PHF14: variants seen among roughly 807,000 people sequenced by gnomAD.
PHF14 encodes PHD finger protein 14.
PHF14 carries 55 observed loss-of-function variants against 117.9 expected under a neutral mutation model. That is an observed-to-expected ratio of 0.47 (90% CI 0.38 to 0.58). PHF14 has a LOEUF of 0.58. PHF14 is among the 20% of genes least tolerant of loss of function. The pLI is 0.00. For synonymous variants in PHF14, 409 were observed against 368.6 expected (o/e 1.11, Z -1.26); for missense variants, 978 against 1,122.2 (o/e 0.87, Z 1.84).
At chr7:10,977,063 C>G (rs1640701) in intron 2 of PHF14, among the ~76,000 whole-genome samples, 104,725 of 151,444 alleles carry the variant, frequency 0.69, 36,779 homozygotes, top group African/African-American at 0.81. Flanking sequence ...CTGAGATATT[C>G]GCTTACTCTA....
At chr7:11,097,439 A>C (rs1786919454) in intron 16 of PHF14, among the ~76,000 whole-genome samples, 1 of 152,174 alleles carries the variant, frequency 6.6e-6, no homozygotes, top group Non-Finnish European at 1.5e-5. Flanking sequence ...CAGTTTTCTA[A>C]ATTATGACTA....
chr7:11,017,768 C>A (rs185905738), intron 5 of PHF14, among the ~76,000 whole-genome samples: 8 of 151,860 alleles, frequency 5.3e-5, no homozygotes, highest in African/African-American at 1.9e-4. Context: ...TTAAAAAAAC[C>A]TGATATGATA....
chr7:11,079,741 C>G (rs1786004687), intron 16 of PHF14, among the ~76,000 whole-genome samples: 1 of 151,530 alleles, frequency 6.6e-6, no homozygotes, highest in Non-Finnish European at 1.5e-5. Flanking sequence ...ACATTGTATG[C>G]TAACTGTGAT....
intron 14 of PHF14, among the ~76,000 whole-genome samples, chr7:11,052,468 C>T (rs904647239): frequency 3.3e-5 from 5 of 152,082 alleles, no homozygotes; most frequent in African/African-American, 1.2e-4. Flanking sequence ...ATATCTCCTG[C>T]AGCATGGTAA....
At chr7:11,076,327 CTTTAT>C (rs767900963) in intron 16 of PHF14, among the ~76,000 whole-genome samples, 13 of 151,974 alleles carry the variant, frequency 8.6e-5, no homozygotes, top group Non-Finnish European at 1.8e-4. Flanking sequence ...GTTTTATTTT[CTTTAT>C]TTTATGGTTT....
intron 17 of PHF14, among the ~76,000 whole-genome samples, chr7:11,121,113 C>G (rs112506745): frequency 0.012 from 1,873 of 152,188 alleles, 29 homozygotes; most frequent in African/African-American, 0.043. Flanking sequence ...TTTCTGATAA[C>G]AAAAGTTTCA....
At chr7:11,104,505 C>G in intron 16 of PHF14, 1 of 981,478 alleles carries the variant, frequency 1.0e-6, no homozygotes, top group Non-Finnish European at 1.2e-6. Flanking sequence ...CTAAATGATT[C>G]ATATTTCACA....
chr7:11,006,043 C>G lies in PHF14; in HGVS notation c.1046-7704C>G, dbSNP rs187467684. On this transcript the variant is annotated intron_variant, in intron 4 of 17. Transcript: ENST00000634607. ...TCCAGACCTCATGATCTGCCCACCT[C>G]GGCCTCCCAAAGTGCTGGGATTACA... Among the ~76,000 whole-genome samples, 5 of 152,076 alleles carry G rather than the reference C, an allele frequency of 3.3e-5. No homozygotes were observed. The South Asian group carries it at 1.0e-3, about 32-fold the overall frequency.
chr7:11,032,042 G>A (rs1198684252), intron 7 of PHF14, among the ~76,000 whole-genome samples: 1 of 152,024 alleles, frequency 6.6e-6, no homozygotes, highest in Non-Finnish European at 1.5e-5. Context: ...GATCTCTTGA[G>A]GCTGGCCTCA....
chr7:11,122,737 A>G (rs1014841656), intron 17 of PHF14, among the ~76,000 whole-genome samples: 1 of 152,168 alleles, frequency 6.6e-6, no homozygotes, highest in Non-Finnish European at 1.5e-5. Flanking sequence ...AAGGCAAATT[A>G]TAAGAGTATG....
In PHF14 at chr7:11,013,868, T is replaced by G. The variant is rs1229406785; in HGVS notation, c.1167T>G (p.Pro389=). Residue 389 remains proline (P), a synonymous_variant, in exon 5 of 18, where the codon CCT becomes CCG. Coordinates refer to ENST00000634607, the MANE Select transcript of PHF14 (RefSeq NM_001007157.2). The stretch of plus-strand genomic sequence containing the variant: ...TTTCTCCTAGCTGTGAACTGTGTCC[T>G]AATCAGGATGGAATTTTCAAGGAGA... The part of the protein sequence containing the change: ...CGVSPSCELC[P]NQDGIFKETD... The G allele has an allele frequency of 6.2e-7, 1 of 1,607,270 alleles. No homozygotes were observed. The highest frequency in any genetic ancestry group is 2.2e-5 in the East Asian group (1 of 44,738).
At chr7:11,142,390 AT>A (rs1232885785) in intron 17 of PHF14, among the ~76,000 whole-genome samples, 1 of 152,024 alleles carries the variant, frequency 6.6e-6, no homozygotes, top group Admixed American at 6.6e-5. Context: ...TAGAATAAAT[AT>A]TTATGTTTTA....
At chr7:11,079,906 A>G (rs1436858101) in intron 16 of PHF14, among the ~76,000 whole-genome samples, 3 of 152,122 alleles carry the variant, frequency 2.0e-5, no homozygotes, top group African/African-American at 7.2e-5. Flanking sequence ...TGACATAGAA[A>G]TTACCAATTG....
chr7:11,150,106 A>G (rs753307760), intron 17 of PHF14, among the ~76,000 whole-genome samples: 15 of 152,158 alleles, frequency 9.9e-5, no homozygotes, highest in Non-Finnish European at 2.1e-4. Flanking sequence ...ATACATTCAT[A>G]TGAAATATTG....
chr7:11,105,949 A>G (rs945864162), intron 16 of PHF14: 68 of 984,748 alleles, frequency 6.9e-5, no homozygotes, highest in Non-Finnish European at 8.0e-5. Flanking sequence ...ACAAAGTTAC[A>G]TGGAGCTTGA....
At chr7:11,074,606 A>G (rs1294324828) in intron 16 of PHF14, among the ~76,000 whole-genome samples, 1 of 152,196 alleles carries the variant, frequency 6.6e-6, no homozygotes, top group Non-Finnish European at 1.5e-5. Flanking sequence ...CACTGCTTAG[A>G]AATTTCTTCT....
Position 11,075,198 on chromosome 7 carries a change from C to T in PHF14, c.2654+13113C>T, listed in dbSNP as rs553188181. ...AGGCAATCCTTCTGCCTCATCCTCC[C>T]AAAGTGCTGGGATTACAGGTGTGGG... On this transcript the variant is annotated intron_variant, in intron 16 of 17. Coordinates refer to ENST00000634607, the MANE Select transcript of PHF14 (RefSeq NM_001007157.2). 2.2e-4 allele frequency among the ~76,000 whole-genome samples: 34 copies of T among 152,264 alleles called. No homozygotes were observed. In the South Asian group the frequency reaches 2.5e-3, roughly 11 times the overall value.
intron 5 of PHF14, among the ~76,000 whole-genome samples, chr7:11,015,422 A>G (rs1783501581): frequency 6.6e-6 from 1 of 152,134 alleles, no homozygotes; most frequent in African/African-American, 2.4e-5. Flanking sequence ...TATATAACAA[A>G]TGATTTGATG....
chr7:11,054,445 G>T (rs1784948740), intron 14 of PHF14, among the ~76,000 whole-genome samples: 1 of 152,084 alleles, frequency 6.6e-6, no homozygotes, highest in Non-Finnish European at 1.5e-5. Context: ...TTGGTGCGAG[G>T]TATCATACTA....
Sources: allele counts gnomAD v4.1 joint callset (sites outside exome capture counted in the v4.1 genomes callset), GRCh38; gene constraint gnomAD v4.1.1; transcripts MANE v1.5; gene names NCBI Gene and HGNC (gene_info 2026-07-23, HGNC 2026-07-21).